Variants in HS1BP3 observed in about 807,000 individuals in gnomAD.
HS1BP3 encodes HCLS1-binding protein 3.
In HS1BP3, 32 loss-of-function variants were observed where a neutral mutation model predicts 33.5. The observed-to-expected ratio is 0.95, with a 90% CI of 0.72 to 1.28. HS1BP3 has a LOEUF of 1.28. Ranked by LOEUF, HS1BP3 falls within the 50% of genes most tolerant of loss-of-function variation. The pLI, the probability that HS1BP3 is intolerant of heterozygous loss-of-function variation, is 0.00. For missense variants in HS1BP3, 486 were observed against 502.3 expected (o/e 0.97, Z 0.31); for synonymous variants, 187 against 209.2 (o/e 0.89, Z 0.92).
chr2:20,562,934 C>T (rs574410293), intron 5 of HS1BP3, among the ~76,000 whole-genome samples: 1 of 152,318 alleles, frequency 6.6e-6, no homozygotes, highest in East Asian at 1.9e-4. Context: ...TTTCCCTCTC[C>T]ACCAACCTCC....
rs139333579 is a variant in HS1BP3 at position 20,641,173 on chromosome 2, T to G, written c.206A>C (p.Lys69Thr). ...PEDVVQFLVS[K>T]KYSEIEEFYQ... ...AAACTCCTCAATCTCGCTGTACTTT[T>G]TGGAGACCTGGAATGAGAGGAGCAT... The change falls in exon 3 of 7, where the codon AAA (lysine) becomes ACA (threonine). Residue 69 changes from lysine to threonine, a missense_variant. Physicochemically the swap from Lys to Thr is moderately conservative, Grantham distance 78. Transcript: ENST00000304031. The G allele has an allele frequency of 1.1e-4, 179 of 1,604,412 alleles. No homozygotes were observed. Among genetic ancestry groups the G allele is most frequent in the Middle Eastern group, 1.6e-4 (1 of 6,080 alleles).
chr2:20,645,454 CTGG>C lies in HS1BP3; in HGVS notation c.81_83del (p.His27del), dbSNP rs1196448099. The C allele has an allele frequency of 6.2e-7, 1 of 1,614,092 alleles. No individual in the cohort carries two copies. Among genetic ancestry groups the C allele is most frequent in the Admixed American group, 1.7e-5 (1 of 60,020 alleles). ...CAGACATCATCTTGCCCCGTACCTC[CTGG>C]TGCTGGGGCACAGTCAGGTCGAGGC... On this transcript the variant is annotated inframe_deletion, in exon 2 of 7. Transcript: ENST00000304031.
chr2:20,595,511 G>A (rs928629532), intron 3 of HS1BP3, among the ~76,000 whole-genome samples: 2 of 152,222 alleles, frequency 1.3e-5, no homozygotes, highest in Non-Finnish European at 2.9e-5. Flanking sequence ...TCCTGGAGGA[G>A]GGAGGGTTTC....
intron 2 of HS1BP3, among the ~76,000 whole-genome samples, chr2:20,601,652 G>T (rs1189720174): frequency 1.3e-5 from 2 of 152,124 alleles, no homozygotes; most frequent in East Asian, 1.9e-4. Flanking sequence ...CCATGTAAGA[G>T]GTCCCTTTGC....
At chr2:20,575,770 C>T (rs964361320) in intron 5 of HS1BP3, among the ~76,000 whole-genome samples, 2 of 151,074 alleles carry the variant, frequency 1.3e-5, no homozygotes, top group African/African-American at 2.5e-5. Context: ...ACCCCCCCCC[C>T]CCCCTTCAGG....
chr2:20,580,331 C>T (rs182531526), intron 5 of HS1BP3, among the ~76,000 whole-genome samples: 7 of 152,046 alleles, frequency 4.6e-5, no homozygotes, highest in Admixed American at 2.0e-4. Flanking sequence ...CCAGCCTGGG[C>T]GACACAGTGA....
chr2:20,608,842 G>GT (rs901522349), intron 2 of HS1BP3, among the ~76,000 whole-genome samples: 2 of 152,110 alleles, frequency 1.3e-5, no homozygotes, highest in Non-Finnish European at 2.9e-5. Flanking sequence ...CAAACCAAGA[G>GT]TTTTTTGCGG....
intron 1 of HS1BP3, among the ~76,000 whole-genome samples, chr2:20,648,505 G>A (rs752741743): frequency 3.3e-5 from 5 of 152,150 alleles, no homozygotes; most frequent in Non-Finnish European, 5.9e-5. Flanking sequence ...TTCACTGGTG[G>A]CTGGAGCACC....
chr2:20,585,378 C>CAA (rs151081684), intron 5 of HS1BP3, among the ~76,000 whole-genome samples: 11,822 of 152,204 alleles, frequency 0.078, 632 homozygotes, highest in African/African-American at 0.15. Context: ...CTTTTACTCT[C>CAA]GAGTGTCCCG....
At chr2:20,578,202 G>A (rs1354557205) in intron 5 of HS1BP3, among the ~76,000 whole-genome samples, 1 of 152,150 alleles carries the variant, frequency 6.6e-6, no homozygotes, top group African/African-American at 2.4e-5. Flanking sequence ...GTGGGGGTGG[G>A]AACAGCCTCT....
chr2:20,595,834 G>C (rs529339643), intron 3 of HS1BP3, among the ~76,000 whole-genome samples: 2 of 152,174 alleles, frequency 1.3e-5, no homozygotes, highest in Non-Finnish European at 2.9e-5. Flanking sequence ...AGGGGAGCAG[G>C]CCTCTTGGGG....
At chr2:20,607,636 T>A (rs1694225796) in intron 2 of HS1BP3, among the ~76,000 whole-genome samples, 1 of 152,272 alleles carries the variant, frequency 6.6e-6, no homozygotes. Context: ...AGTGCCACAC[T>A]GTTTTGATTA....
At chr2:20,607,942 A>C (rs1466719655) in intron 2 of HS1BP3, among the ~76,000 whole-genome samples, 1 of 152,198 alleles carries the variant, frequency 6.6e-6, no homozygotes, top group East Asian at 1.9e-4. Flanking sequence ...GGTGTTACAT[A>C]GTTTTCAATG....
chr2:20,565,600 G>A (rs537890774), intron 5 of HS1BP3, among the ~76,000 whole-genome samples: 68 of 152,328 alleles, frequency 4.5e-4, no homozygotes, highest in Non-Finnish European at 8.1e-4. Flanking sequence ...AGCCCCTCCC[G>A]GGCAGGCCAA....
At chr2:20,557,435 G>A (rs1260408362), downstream of HS1BP3, among the ~76,000 whole-genome samples, 2 of 152,146 alleles carry the variant, frequency 1.3e-5, no homozygotes, top group African/African-American at 4.8e-5. Context: ...GCCACTTTTA[G>A]GTTGTGACTT....
intron 2 of HS1BP3, among the ~76,000 whole-genome samples, chr2:20,601,585 G>A (rs929608921): frequency 5.3e-5 from 8 of 152,096 alleles, no homozygotes; most frequent in Admixed American, 1.3e-4. Context: ...TAAGTTTCAC[G>A]AGACCTGATG....
chr2:20,592,874 T>C (rs1210700959), intron 3 of HS1BP3: 1 of 152,252 alleles, frequency 6.6e-6, no homozygotes, highest in African/African-American at 2.4e-5. Context: ...CATCCACAGA[T>C]TCCTTTTCCA....
Position 20,647,604 on chromosome 2 carries a change from A to G in HS1BP3, c.33-2099T>C, listed in dbSNP as rs535819087. Among the ~76,000 whole-genome samples the G allele has an allele frequency of 1.3e-4, 20 of 152,222 alleles. No homozygotes were observed. The South Asian group carries it at 4.1e-3, about 32-fold the overall frequency. On this transcript the variant is annotated intron_variant, in intron 1 of 6. Transcript: ENST00000304031. ...TGGCCAGCCATCTTGTTTTCTTAGTAAGCCCTCCGACGAGTCTGATGCACC... is the reference window on the plus strand; with the variant it reads ...TGGCCAGCCATCTTGTTTTCTTAGTGAGCCCTCCGACGAGTCTGATGCACC...
chr2:20,555,090 G>T, the HS1BP3 span, among the ~76,000 whole-genome samples: 1 of 152,174 alleles, frequency 6.6e-6, no homozygotes, highest in African/African-American at 2.4e-5. Context: ...TGTTCTCTGT[G>T]CTTCCCTCGC....
Sources: allele counts gnomAD v4.1 joint callset (sites outside exome capture counted in the v4.1 genomes callset), GRCh38; gene constraint gnomAD v4.1.1; transcripts MANE v1.5; gene names NCBI Gene and HGNC (gene_info 2026-07-23, HGNC 2026-07-21).